The following MEGF10 variants were observed in gnomAD, a reference collection of about 807,000 sequenced individuals.
MEGF10 encodes multiple epidermal growth factor-like domains protein 10.
MEGF10 carries 86 observed loss-of-function variants against 147.5 expected under a neutral mutation model. That is an observed-to-expected ratio of 0.58 (90% CI 0.49 to 0.70). MEGF10 has a LOEUF of 0.70. MEGF10 is among the 30% of genes least tolerant of loss of function. The probability of loss-of-function intolerance (pLI) is 0.00; values close to 1 mark genes in which losing one functional copy is unlikely to be tolerated. For synonymous variants in MEGF10, 478 were observed against 525.5 expected (o/e 0.91, Z 1.24); for missense variants, 1,329 against 1,487.3 (o/e 0.89, Z 1.75).
intron 7 of MEGF10, among the ~76,000 whole-genome samples, chr5:127,402,325 G>A (rs532535049): frequency 1.3e-5 from 2 of 152,306 alleles, no homozygotes; most frequent in East Asian, 3.9e-4. Flanking sequence ...GTCTTTGAAT[G>A]TATCTTGAGA....
chr5:127,274,532 G>A, the MEGF10 span, among the ~76,000 whole-genome samples: 5 of 151,992 alleles, frequency 3.3e-5, no homozygotes, highest in East Asian at 1.9e-4. Context: ...CAACTATGCC[G>A]TAATTGTGAA....
chr5:127,390,161 C>T (rs1360714867), intron 5 of MEGF10, among the ~76,000 whole-genome samples: 2 of 152,232 alleles, frequency 1.3e-5, no homozygotes, highest in South Asian at 2.1e-4. Context: ...CTCTCTTTCT[C>T]ATTTTAACCC....
At chr5:127,455,691 G>T in intron 24 of MEGF10, 84 bp downstream of exon 24, 1 of 1,042,948 alleles carries the variant, frequency 9.6e-7, no homozygotes, top group Non-Finnish European at 1.4e-6. Flanking sequence ...AATAGTTGCA[G>T]GTCATAGAAA....
intron 16 of MEGF10, 91 bp downstream of exon 16, chr5:127,435,580 C>CTTTCTTGATTATAT: frequency 8.0e-7 from 1 of 1,250,034 alleles, no homozygotes; most frequent in Non-Finnish European, 1.1e-6. Flanking sequence ...TTTATATAAT[C>CTTTCTTGATTATAT]AAGAAAGAAT....
chr5:127,332,743 C>T (rs1358162807), intron 2 of MEGF10, among the ~76,000 whole-genome samples: 2 of 152,114 alleles, frequency 1.3e-5, no homozygotes, highest in African/African-American at 4.8e-5. Flanking sequence ...ATAATATTTA[C>T]AGCACCTCCC....
intron 5 of MEGF10, among the ~76,000 whole-genome samples, chr5:127,384,855 T>C (rs1001352208): frequency 6.6e-6 from 1 of 152,226 alleles, no homozygotes; most frequent in African/African-American, 2.4e-5. Context: ...GAAGTTGTTT[T>C]ATTTTTAAAG....
chr5:127,325,379 G>C (rs1311553473), intron 1 of MEGF10, among the ~76,000 whole-genome samples: 1 of 152,106 alleles, frequency 6.6e-6, no homozygotes, highest in East Asian at 1.9e-4. Context: ...AATGAGTATT[G>C]TTTGTAGATT....
chr5:127,405,776 A>G (rs1436056146), intron 8 of MEGF10, among the ~76,000 whole-genome samples: 3 of 152,062 alleles, frequency 2.0e-5, no homozygotes, highest in Admixed American at 2.0e-4. Context: ...AGTTTTTTAA[A>G]TCCCTTTTTT....
chr5:127,421,110 T>C (rs75857371), intron 12 of MEGF10, among the ~76,000 whole-genome samples: 2,848 of 152,294 alleles, frequency 0.019, 54 homozygotes, highest in South Asian at 0.078. Flanking sequence ...CTCTCATCAC[T>C]CTAGTGAACA....
At chr5:127,260,698 C>G in the MEGF10 span, among the ~76,000 whole-genome samples, 1 of 151,938 alleles carries the variant, frequency 6.6e-6, no homozygotes, top group Non-Finnish European at 1.5e-5. Context: ...GTAAAACTAC[C>G]AATCAGAATT....
chr5:127,317,902 T>TA (rs376602578), intron 1 of MEGF10, among the ~76,000 whole-genome samples: 2,922 of 150,854 alleles, frequency 0.019, 102 homozygotes, highest in African/African-American at 0.065. Context: ...TAAAGTGTAA[T>TA]AAAAAAAAAG....
At chr5:127,333,885 C>T (rs1334357722) in intron 2 of MEGF10, among the ~76,000 whole-genome samples, 1 of 151,944 alleles carries the variant, frequency 6.6e-6, no homozygotes, top group Non-Finnish European at 1.5e-5. Flanking sequence ...TTAGTGCAAA[C>T]TCTAAAATGC....
chr5:127,317,191 A>G (rs1273040231), intron 1 of MEGF10, among the ~76,000 whole-genome samples: 2 of 152,128 alleles, frequency 1.3e-5, no homozygotes, highest in Non-Finnish European at 2.9e-5. Flanking sequence ...TTTTTCTTGT[A>G]AATTTGTTAA....
rs1331964633 is a variant in MEGF10, at chr5:127,457,130, C to A, written c.3235C>A (p.Pro1079Thr). 5.0e-6 allele frequency: 8 copies of A among 1,609,532 alleles called. No individual in the cohort carries two copies. Among genetic ancestry groups the A allele is most frequent in the Non-Finnish European group, 6.8e-6 (8 of 1,178,120 alleles). The stretch of plus-strand genomic sequence containing the variant: ...TAATATGTCCTTGGTTATCACAGAA[C>A]CTACAGTGAGTGTTGTCCAAGGAGT... ...SANRNVYEVE[P>T]TVSVVQGVFS... Residue 1079 changes from proline to threonine, a missense_variant and splice_region_variant, in exon 25 of 25, where the codon CCT becomes ACT. Physicochemically the swap from Pro to Thr is conservative, Grantham distance 38. Coordinates refer to ENST00000503335, the MANE Select transcript of MEGF10 (RefSeq NM_001256545.2).
At chr5:127,434,554 A>T in intron 14 of MEGF10, 133 bp from the exon 15 acceptor site, 1 of 988,010 alleles carries the variant, frequency 1.0e-6, no homozygotes, top group Non-Finnish European at 1.4e-6. Flanking sequence ...CTACTTGGAA[A>T]ATTCTCCGTA....
chr5:127,345,927 A>C (rs935132418), intron 4 of MEGF10, among the ~76,000 whole-genome samples: 10 of 152,140 alleles, frequency 6.6e-5, no homozygotes, highest in African/African-American at 2.4e-4. Flanking sequence ...GCTCCTACTT[A>C]ATAAGACAGA....
chr5:127,289,524 T>C (rs1759143498), upstream of MEGF10, among the ~76,000 whole-genome samples: 1 of 152,136 alleles, frequency 6.6e-6, no homozygotes, highest in South Asian at 2.1e-4. Context: ...GTGGCAGGGA[T>C]GGTATCTCAA....
At chr5:127,433,532 A>G in intron 14 of MEGF10, 23 bp downstream of exon 14, 4 of 1,570,872 alleles carry the variant, frequency 2.5e-6, no homozygotes, top group Non-Finnish European at 3.5e-6. Context: ...TTAGGCAGTA[A>G]TTTCCACCTT....
At chr5:127,256,067 C>T in the MEGF10 span, among the ~76,000 whole-genome samples, 1 of 152,306 alleles carries the variant, frequency 6.6e-6, no homozygotes, top group Non-Finnish European at 1.5e-5. Context: ...GAAATCTGGG[C>T]TCCCATGACT....
Sources: gnomAD v4.1 joint callset for allele counts (sites outside exome capture counted in the v4.1 genomes callset) on GRCh38, gnomAD v4.1.1 for gene constraint, MANE v1.5 for transcripts, NCBI Gene and HGNC (gene_info 2026-07-23, HGNC 2026-07-21) for gene names.